The following CEP350 variants were observed in gnomAD, a reference collection of about 807,000 sequenced individuals.
CEP350 encodes the protein centrosome-associated protein 350.
In CEP350, 126 loss-of-function variants were observed where a neutral mutation model predicts 331.8. The observed-to-expected ratio is 0.38, with a 90% CI of 0.33 to 0.44. The LOEUF (loss-of-function observed/expected upper bound fraction) is 0.44, where lower values mean the gene tolerates loss of function less well. Among genes scored for constraint, CEP350 ranks in the 20% least tolerant of loss-of-function variants. The pLI is 1.00. For synonymous variants in CEP350, 1,200 were observed against 1,259.5 expected (o/e 0.95, Z 1.00); for missense variants, 3,406 against 3,634.6 (o/e 0.94, Z 1.62).
At chr1:180,068,582 T>C (rs961672983) in intron 27 of CEP350, among the ~76,000 whole-genome samples, 2 of 152,228 alleles carry the variant, frequency 1.3e-5, no homozygotes, top group African/African-American at 4.8e-5. Context: ...TGCAATTGAC[T>C]GTTCCTGTTT....
intron 17 of CEP350, 124 bp from the exon 18 acceptor site, chr1:180,041,014 T>C (rs927320497): frequency 8.9e-6 from 6 of 671,788 alleles, no homozygotes; most frequent in Non-Finnish European, 1.5e-5. Flanking sequence ...TTACTATCTT[T>C]CCTTTTGGTT....
Position 180,090,439 on chromosome 1 carries a change from G to A in CEP350, c.6426-275G>A, listed in dbSNP as rs377016989. On this transcript the variant is annotated intron_variant, in intron 32 of 37. Coordinates refer to ENST00000367607, the MANE Select transcript of CEP350 (RefSeq NM_014810.5). ...CGGGCGCCTGTAGTCCCAGCTACTC[G>A]GGAGGCTGAGGCAGGAGAATGGCGT... Among the ~76,000 whole-genome samples the A allele has an allele frequency of 5.1e-3, 758 of 149,390 alleles. 18 individuals are homozygous for A. The East Asian group carries it at 0.061, about 12-fold the overall frequency.
chr1:180,081,056 C>T (rs190718894), intron 30 of CEP350, among the ~76,000 whole-genome samples: 3 of 151,234 alleles, frequency 2.0e-5, no homozygotes, highest in African/African-American at 4.9e-5. Context: ...TTAGTAGAGA[C>T]GAGGTTTCAC....
chr1:180,048,734 T>A, intron 22 of CEP350, 29 bp downstream of exon 22: 1 of 1,550,094 alleles, frequency 6.5e-7, no homozygotes, highest in Non-Finnish European at 8.8e-7. Context: ...AAATGTGTAA[T>A]CATTTGTTCA....
At chr1:180,058,712 T>A (rs935673728) in intron 25 of CEP350, among the ~76,000 whole-genome samples, 2 of 152,220 alleles carry the variant, frequency 1.3e-5, no homozygotes, top group African/African-American at 4.8e-5. Flanking sequence ...TTTGTAATAC[T>A]TAAGAATTTT....
Position 180,087,877 on chromosome 1 carries a change from A to G in CEP350, c.6425+160A>G, listed in dbSNP as rs551171200. Among the ~76,000 whole-genome samples the G allele has an allele frequency of 5.3e-5, 8 of 152,276 alleles. No individual in the cohort carries two copies. The East Asian group carries it at 1.5e-3, about 29-fold the overall frequency. On this transcript the variant is annotated intron_variant, in intron 32 of 37. Transcript: ENST00000367607. ...TAAATTAAAATTGTTACATATTATA[A>G]TTAAAAATTATATGTATAAGGTATT... is the stretch of plus-strand genomic sequence containing the variant.
intron 6 of CEP350, among the ~76,000 whole-genome samples, chr1:180,002,505 T>C (rs1315176258): frequency 6.6e-6 from 1 of 151,664 alleles, no homozygotes; most frequent in Non-Finnish European, 1.5e-5. Context: ...TAAAATAAAA[T>C]AGATAAGATA....
chr1:179,997,484 A>G (rs1007981337), intron 6 of CEP350, among the ~76,000 whole-genome samples: 4 of 147,796 alleles, frequency 2.7e-5, no homozygotes, highest in Non-Finnish European at 6.0e-5. Context: ...CGGAGGTTAC[A>G]CTGAGCCGAG....
chr1:180,020,176 C>A lies in CEP350; in HGVS notation c.2402C>A (p.Thr801Asn), dbSNP rs1194860438. 3 of 1,613,948 alleles carry A rather than the reference C, an allele frequency of 1.9e-6. No homozygotes were observed. The African/African-American group carries it at 4.0e-5, about 22-fold the overall frequency. Residue 801 changes from threonine to asparagine, a missense_variant, in exon 12 of 38, where the codon ACC (threonine) becomes AAC (asparagine). This residue lies in a region of CEP350 where 1,857 missense variants were observed against 1,909.2 expected (regional missense o/e 0.97). Transcript: ENST00000367607. ...ACTTTTACACCTCAACCATATGTGA[C>A]CTCACCAGCTGCTTATACAGATGCC... is the stretch of plus-strand genomic sequence containing the variant. ...PLTFTPQPYV[T>N]SPAAYTDALL...
chr1:180,109,914 C>T (rs371673596), intron 37 of CEP350, among the ~76,000 whole-genome samples: 10 of 152,256 alleles, frequency 6.6e-5, no homozygotes, highest in Middle Eastern at 3.4e-3. Flanking sequence ...GGATTACAGG[C>T]GTGAGCCACC....
intron 11 of CEP350, 81 bp downstream of exon 11, chr1:180,016,051 G>A: frequency 6.6e-7 from 1 of 1,517,570 alleles, no homozygotes; most frequent in South Asian, 1.2e-5. Context: ...GAATTTTGTT[G>A]ACTTTTGTGA....
Position 179,970,487 on chromosome 1 carries a change from T to C in CEP350, c.-14+15345T>C, listed in dbSNP as rs756995669. Among the ~76,000 whole-genome samples the C allele has an allele frequency of 5.9e-5, 9 of 152,226 alleles. 1 individual carries two copies. On this transcript the variant is annotated intron_variant, in intron 1 of 37. Coordinates refer to ENST00000367607, the MANE Select transcript of CEP350 (RefSeq NM_014810.5). Reference sequence around the variant, plus strand: ...CTAAATTTACCATTTGTCCATTTTATGTTGAGGATAGATAGTAGGAATATT... The same window carrying C: ...CTAAATTTACCATTTGTCCATTTTACGTTGAGGATAGATAGTAGGAATATT...
chr1:180,024,730 C>T (rs1655554519), intron 14 of CEP350, 148 bp downstream of exon 14: 3 of 895,000 alleles, frequency 3.4e-6, no homozygotes, highest in Non-Finnish European at 4.7e-6. Flanking sequence ...TATAATAATA[C>T]CTTTTGATAT....
At chr1:179,986,291 C>A in intron 2 of CEP350, 37 bp downstream of exon 2, 2 of 1,398,796 alleles carry the variant, frequency 1.4e-6, no homozygotes, top group Middle Eastern at 2.3e-4. Context: ...CTTAATACCT[C>A]ATTTAGGTCA....
intron 19 of CEP350, 135 bp from the exon 20 acceptor site, chr1:180,042,921 G>T (rs1024775590): frequency 3.5e-6 from 3 of 865,496 alleles, no homozygotes; most frequent in Non-Finnish European, 5.4e-6. Flanking sequence ...CTTGTCCACA[G>T]TATTTCATCT....
chr1:180,016,311 G>C (rs1654967236), intron 11 of CEP350, among the ~76,000 whole-genome samples: 1 of 152,142 alleles, frequency 6.6e-6, no homozygotes, highest in African/African-American at 2.4e-5. Flanking sequence ...ACGGGTTTTT[G>C]TGTCTACTGC....
Position 180,020,229 on chromosome 1 carries a change from A to T in CEP350, c.2455A>T (p.Lys819Ter). 6.2e-7 allele frequency: 1 copy of T among 1,614,046 alleles called. No individual in the cohort carries two copies. The highest frequency in any genetic ancestry group is 8.5e-7 in the Non-Finnish European group (1 of 1,179,892). ...ALLKPSASQY[K>*]SKLDRIEALK... is the part of the protein sequence containing the mutation. ...GTTAAAACCTAGTGCCAGCCAATAT[A>T]AGAGTAAACTGGATCGTATTGAAGC... Residue 819 changes from lysine (K) to a stop codon, truncating the protein, a stop_gained, in exon 12 of 38, where the codon AAG becomes TAG. Transcript: ENST00000367607. LOFTEE classifies it high-confidence loss of function.
intron 13 of CEP350, among the ~76,000 whole-genome samples, chr1:180,023,846 G>T (rs926927621): frequency 6.6e-6 from 1 of 152,000 alleles, no homozygotes; most frequent in African/African-American, 2.4e-5. Context: ...ATTACAAATT[G>T]TAATCCATGT....
intron 28 of CEP350, 103 bp downstream of exon 28, chr1:180,075,324 C>T (rs964990428): frequency 1.1e-5 from 13 of 1,183,234 alleles, no homozygotes; most frequent in Non-Finnish European, 1.3e-5. Context: ...CAGTGGCTCA[C>T]GCCTGTAATC....
Sources: allele counts gnomAD v4.1 joint callset (sites outside exome capture counted in the v4.1 genomes callset), GRCh38; gene constraint gnomAD v4.1.1; regional missense constraint gnomAD v4.1.1; transcripts MANE v1.5; gene names NCBI Gene and HGNC (gene_info 2026-07-23, HGNC 2026-07-21).